FAM185A: variants seen among roughly 807,000 people sequenced by gnomAD.
The protein encoded by FAM185A is protein FAM185A.
Under a neutral mutation model 45.7 loss-of-function variants are expected in FAM185A, and 21 were observed. That is an observed-to-expected ratio of 0.46 (90% CI 0.33 to 0.66). The LOEUF (loss-of-function observed/expected upper bound fraction) is 0.66. Ranked by LOEUF, FAM185A falls within the 30% of genes least tolerant of loss-of-function variation. The pLI is 0.03. For synonymous variants in FAM185A, 117 were observed against 194.0 expected (o/e 0.60, Z 3.30); for missense variants, 305 against 485.4 (o/e 0.63, Z 3.49).
At chr7:102,801,893 G>C (rs1212783919) in intron 7 of FAM185A, among the ~76,000 whole-genome samples, 4 of 150,094 alleles carry the variant, frequency 2.7e-5, no homozygotes, top group Admixed American at 1.3e-4. Flanking sequence ...TTGCACTCCA[G>C]CCTGGGCCAC....
rs535340214 is a variant in FAM185A, at chr7:102,794,661, G to A, written c.1066+7192G>A. Reference sequence around the variant, plus strand: ...AATCACCTAGCATTTATATTCCTGGGCATTTATCCTGGGGAAATGTAACTT... The same window carrying A: ...AATCACCTAGCATTTATATTCCTGGACATTTATCCTGGGGAAATGTAACTT... On this transcript the variant is annotated intron_variant, in intron 7 of 7. Coordinates refer to ENST00000413034, the MANE Select transcript of FAM185A (RefSeq NM_001145268.2). Among the ~76,000 whole-genome samples, 1,480 of 152,194 alleles carry A rather than the reference G, an allele frequency of 9.7e-3. 8 individuals carry two copies. Among genetic ancestry groups the A allele is most frequent in the Non-Finnish European group, 0.015 (1,031 of 67,990 alleles).
At chr7:102,843,116 G>A in the FAM185A span, among the ~76,000 whole-genome samples, 4 of 152,152 alleles carry the variant, frequency 2.6e-5, no homozygotes, top group Admixed American at 1.3e-4. Context: ...ATCATAAAAG[G>A]TTATGAAGAT....
At chr7:102,794,630 A>G (rs1413593647) in intron 7 of FAM185A, among the ~76,000 whole-genome samples, 1 of 152,154 alleles carries the variant, frequency 6.6e-6, no homozygotes, top group Admixed American at 6.5e-5. Flanking sequence ...AAAAGAAACT[A>G]CCATTAATCA....
chr7:102,777,214 G>A (rs1385130195), intron 5 of FAM185A, 39 bp from the exon 6 acceptor site: 2 of 1,549,012 alleles, frequency 1.3e-6, no homozygotes, highest in African/African-American at 2.7e-5. Context: ...CATTTATCAA[G>A]TAAGAATTAT....
At chr7:102,810,232 CT>C (rs1167064228), downstream of FAM185A, among the ~76,000 whole-genome samples, 2 of 152,056 alleles carry the variant, frequency 1.3e-5, no homozygotes, top group Non-Finnish European at 2.9e-5. Context: ...TAAGTCAGTT[CT>C]TTTTTTGTTT....
chr7:102,818,116 C>CA, the FAM185A span, among the ~76,000 whole-genome samples: 5 of 151,912 alleles, frequency 3.3e-5, no homozygotes, highest in Non-Finnish European at 7.4e-5. Context: ...CTTGAGTAGG[C>CA]AAAAAAAGGG....
At chr7:102,755,756 G>C in intron 2 of FAM185A, 1 of 595,428 alleles carries the variant, frequency 1.7e-6, no homozygotes, top group South Asian at 1.6e-5. Context: ...ACTTCACACA[G>C]GTTAACTCAG....
At chr7:102,798,527 T>C (rs867745213) in intron 7 of FAM185A, among the ~76,000 whole-genome samples, 2 of 152,176 alleles carry the variant, frequency 1.3e-5, no homozygotes, top group Non-Finnish European at 2.9e-5. Flanking sequence ...AGGAAATAGG[T>C]TGAAGGCTTT....
chr7:102,782,531 T>G (rs1463292624), intron 6 of FAM185A, among the ~76,000 whole-genome samples: 4 of 152,174 alleles, frequency 2.6e-5, no homozygotes, highest in Non-Finnish European at 4.4e-5. Context: ...CAACCCAGAA[T>G]TTCATATCCA....
intron 6 of FAM185A, among the ~76,000 whole-genome samples, chr7:102,779,481 T>C (rs1048692549): frequency 1.3e-5 from 2 of 152,226 alleles, no homozygotes; most frequent in Admixed American, 1.3e-4. Context: ...CACTTGAAAC[T>C]TGATACATTT....
At chr7:102,817,759 G>A in the FAM185A span, among the ~76,000 whole-genome samples, 1 of 152,048 alleles carries the variant, frequency 6.6e-6, no homozygotes, top group African/African-American at 2.4e-5. Flanking sequence ...GTATTCTTAG[G>A]AACCACTGTG....
intron 7 of FAM185A, among the ~76,000 whole-genome samples, chr7:102,794,943 G>C (rs1796359976): frequency 1.3e-5 from 2 of 152,138 alleles, no homozygotes; most frequent in African/African-American, 4.8e-5. Flanking sequence ...TAACATTCTT[G>C]AAACAACAAA....
chr7:102,847,694 T>C, the FAM185A span, among the ~76,000 whole-genome samples: 11 of 151,906 alleles, frequency 7.2e-5, no homozygotes, highest in Non-Finnish European at 1.2e-4. Context: ...GCCTGGCTAA[T>C]TTTTTTGTAT....
intron 1 of FAM185A, among the ~76,000 whole-genome samples, chr7:102,750,433 C>T (rs1311872447): frequency 2.0e-5 from 3 of 152,120 alleles, no homozygotes; most frequent in Non-Finnish European, 4.4e-5. Context: ...TAGTAGATGC[C>T]GTAGTCCTCC....
At chr7:102,806,657 A>G (rs1797131514) in intron 7 of FAM185A, among the ~76,000 whole-genome samples, 1 of 152,248 alleles carries the variant, frequency 6.6e-6, no homozygotes, top group African/African-American at 2.4e-5. Flanking sequence ...TCTTAAATCC[A>G]GAAGTGCAGT....
chr7:102,823,734 T>C, the FAM185A span, among the ~76,000 whole-genome samples: 2,141 of 152,370 alleles, frequency 0.014, 118 homozygotes, highest in East Asian at 0.16. Context: ...GCCGTGAGGC[T>C]TGGCTCTTGT....
rs1323330232 is a variant in FAM185A at position 102,808,264 on chromosome 7, T to G, written c.1067-26T>G. 2.1e-6 allele frequency: 3 copies of G among 1,445,410 alleles called. No individual in the cohort carries two copies. In the East Asian group the frequency reaches 7.4e-5, roughly 36 times the overall value. 89.5% of individuals were successfully genotyped at this position (1,445,410 alleles called of 1,614,324 possible). On this transcript the variant is annotated intron_variant, in intron 7 of 7. Transcript: ENST00000413034. ...ATGTGGTCAATTAATGCTCTTGATA[T>G]AATTTTATGCAATTTTGTGTTTTAG...
chr7:102,844,658 C>G, the FAM185A span, among the ~76,000 whole-genome samples: 1 of 152,272 alleles, frequency 6.6e-6, no homozygotes, highest in African/African-American at 2.4e-5. Context: ...GTGGGTTTTT[C>G]TATACACTGA....
At chr7:102,788,854 C>A (rs890390841) in intron 7 of FAM185A, among the ~76,000 whole-genome samples, 4 of 152,106 alleles carry the variant, frequency 2.6e-5, no homozygotes, top group Non-Finnish European at 1.5e-5. Context: ...GGAATTGTAA[C>A]ACAATGGTAT....
Sources: gnomAD v4.1 joint callset for allele counts (sites outside exome capture counted in the v4.1 genomes callset) on GRCh38, gnomAD v4.1.1 for gene constraint, MANE v1.5 for transcripts, NCBI Gene and HGNC (gene_info 2026-07-23, HGNC 2026-07-21) for gene names.